Variants in GPC5 observed in about 807,000 individuals in gnomAD.
The protein encoded by GPC5 is glypican-5.
In GPC5, 47 loss-of-function variants were observed where a neutral mutation model predicts 53.9. The ratio of observed to expected loss-of-function variants is 0.87; its 90% CI spans 0.69 to 1.11. The LOEUF (loss-of-function observed/expected upper bound fraction) is 1.11. GPC5 is among the 50% of genes most tolerant of loss of function. The probability of loss-of-function intolerance (pLI) is 0.00; values close to 1 mark genes in which losing one functional copy is unlikely to be tolerated. For synonymous variants in GPC5, 286 were observed against 263.3 expected (o/e 1.09, Z -0.84); for missense variants, 748 against 713.1 (o/e 1.05, Z -0.56).
intron 2 of GPC5, among the ~76,000 whole-genome samples, chr13:91,500,531 A>G (rs1214550716): frequency 6.6e-6 from 1 of 152,190 alleles, no homozygotes; most frequent in Non-Finnish European, 1.5e-5. Flanking sequence ...TTGGCCATGC[A>G]TACACTATGT....
chr13:91,558,967 C>G (rs566920927), intron 2 of GPC5, among the ~76,000 whole-genome samples: 2 of 152,038 alleles, frequency 1.3e-5, no homozygotes, highest in African/African-American at 4.8e-5. Context: ...TAGTTAATTT[C>G]TTGTTCATAA....
chr13:91,994,070 T>G (rs1232995943), intron 6 of GPC5, among the ~76,000 whole-genome samples: 1 of 152,216 alleles, frequency 6.6e-6, no homozygotes, highest in Non-Finnish European at 1.5e-5. Flanking sequence ...TTTTACTGAA[T>G]CTTTGAACAG....
intron 7 of GPC5, among the ~76,000 whole-genome samples, chr13:92,518,979 C>T (rs1197661935): frequency 6.6e-6 from 1 of 152,098 alleles, no homozygotes; most frequent in Non-Finnish European, 1.5e-5. Flanking sequence ...GGTTGCAATC[C>T]TAGTCTCTGA....
chr13:92,663,693 A>G (rs1792048919), intron 7 of GPC5, among the ~76,000 whole-genome samples: 1 of 141,656 alleles, frequency 7.1e-6, no homozygotes, highest in African/African-American at 2.6e-5. Flanking sequence ...TATATCTACT[A>G]TATATATTAT....
intron 5 of GPC5, among the ~76,000 whole-genome samples, chr13:91,842,974 A>T (rs1232214332): frequency 6.6e-6 from 1 of 152,176 alleles, no homozygotes; most frequent in Non-Finnish European, 1.5e-5. Flanking sequence ...ATGTGATTTT[A>T]ATTGGCAATA....
intron 7 of GPC5, among the ~76,000 whole-genome samples, chr13:92,171,677 A>C (rs57418118): frequency 6.6e-6 from 1 of 152,120 alleles, no homozygotes; most frequent in Non-Finnish European, 1.5e-5. Flanking sequence ...TTAGTTATTC[A>C]TTGGGAATCC....
intron 2 of GPC5, among the ~76,000 whole-genome samples, chr13:91,471,745 TTTCTC>T (rs1295991458): frequency 9.9e-5 from 15 of 152,208 alleles, no homozygotes; most frequent in African/African-American, 3.4e-4. Context: ...CTCTTCCTCT[TTTCTC>T]TTCCTATTTT....
chr13:92,278,438 C>T (rs1241610184), intron 7 of GPC5, among the ~76,000 whole-genome samples: 2 of 151,972 alleles, frequency 1.3e-5, no homozygotes, highest in Non-Finnish European at 2.9e-5. Flanking sequence ...AAAAATATTA[C>T]TTGATTCTTA....
rs556957152 is a variant in GPC5 at position 91,526,306 on chromosome 13, T to C, written c.325+77384T>C. On this transcript the variant is annotated intron_variant, in intron 2 of 7. Coordinates refer to ENST00000377067, the MANE Select transcript of GPC5 (RefSeq NM_004466.6). ...ATACACTATGCTAGATACTTGGAAT[T>C]GAAAGATCAATTTCATTTACTGAGT... Among the ~76,000 whole-genome samples, 7 of 152,322 alleles carry C rather than the reference T, an allele frequency of 4.6e-5. No homozygotes were observed. In the South Asian group the frequency reaches 1.2e-3, roughly 27 times the overall value.
At chr13:92,643,722 T>A (rs1885669581) in intron 7 of GPC5, among the ~76,000 whole-genome samples, 1 of 146,540 alleles carries the variant, frequency 6.8e-6, no homozygotes, top group Non-Finnish European at 1.5e-5. Context: ...CTCTGGGGAC[T>A]GTGGTGGGGT....
At chr13:91,460,695 A>G (rs1427114833) in intron 2 of GPC5, among the ~76,000 whole-genome samples, 1 of 152,082 alleles carries the variant, frequency 6.6e-6, no homozygotes, top group African/African-American at 2.4e-5. Flanking sequence ...ATAAAATGGC[A>G]TAATAACTTA....
intron 7 of GPC5, among the ~76,000 whole-genome samples, chr13:92,466,880 G>T (rs773075613): frequency 2.0e-5 from 3 of 152,106 alleles, no homozygotes; most frequent in Non-Finnish European, 4.4e-5. Flanking sequence ...TCAGTAAGGA[G>T]AGTATTACTG....
At chr13:91,987,643 T>G in intron 6 of GPC5, among the ~76,000 whole-genome samples, 1 of 150,918 alleles carries the variant, frequency 6.6e-6, no homozygotes, top group East Asian at 1.9e-4. Flanking sequence ...TAAATGAAAT[T>G]TGGGAATTGT....
chr13:92,668,921 C>T (rs540314030), intron 7 of GPC5, among the ~76,000 whole-genome samples: 3 of 151,942 alleles, frequency 2.0e-5, no homozygotes. Flanking sequence ...TCAATAATTG[C>T]TTATAGTGTA....
intron 5 of GPC5, among the ~76,000 whole-genome samples, chr13:91,818,772 A>C (rs1459080295): frequency 6.6e-6 from 1 of 152,338 alleles, no homozygotes; most frequent in Non-Finnish European, 1.5e-5. Flanking sequence ...AACCGTAACA[A>C]GACAAAGCCA....
chr13:92,608,768 CATTT>C (rs1452698544), intron 7 of GPC5, among the ~76,000 whole-genome samples: 1 of 152,166 alleles, frequency 6.6e-6, no homozygotes, highest in Non-Finnish European at 1.5e-5. Context: ...TCCAATCACT[CATTT>C]GTTTGTTATA....
At chr13:91,597,839 C>T (rs1363287628) in intron 2 of GPC5, among the ~76,000 whole-genome samples, 2 of 152,060 alleles carry the variant, frequency 1.3e-5, no homozygotes, top group Non-Finnish European at 2.9e-5. Flanking sequence ...CTGTTTGCTA[C>T]TCTGAGTTCT....
chr13:92,239,071 G>A (rs907060739), intron 7 of GPC5, among the ~76,000 whole-genome samples: 1 of 149,844 alleles, frequency 6.7e-6, no homozygotes. Context: ...AGTTTTATTT[G>A]TAGACTCTCA....
chr13:91,762,606 C>A (rs530754680), intron 5 of GPC5, among the ~76,000 whole-genome samples: 1 of 148,368 alleles, frequency 6.7e-6, no homozygotes, highest in East Asian at 2.0e-4. Context: ...TTTTTCCTGG[C>A]AAATTCTACC....
Sources: gnomAD v4.1 joint callset for allele counts (sites outside exome capture counted in the v4.1 genomes callset) on GRCh38, gnomAD v4.1.1 for gene constraint, MANE v1.5 for transcripts, NCBI Gene and HGNC (gene_info 2026-07-23, HGNC 2026-07-21) for gene names.